Variants in GMEB1 observed in about 807,000 individuals in gnomAD.
GMEB1 encodes glucocorticoid modulatory element binding protein 1.
A neutral mutation model predicts 52.4 loss-of-function variants in GMEB1; 6 were observed. The observed-to-expected ratio is 0.11, with a 90% confidence interval of 0.06 to 0.23. The LOEUF is 0.23. Among genes scored for constraint, GMEB1 ranks in the 10% least tolerant of loss-of-function variants. GMEB1 has a pLI of 1.00. For missense variants in GMEB1, 486 were observed against 685.6 expected (o/e 0.71, Z 3.25); for synonymous variants, 255 against 244.9 (o/e 1.04, Z -0.38).
chr1:28,697,270 G>A (rs184636602), intron 6 of GMEB1, among the ~76,000 whole-genome samples, 186 bp downstream of exon 6: 2,238 of 149,818 alleles, frequency 0.015, 16 homozygotes, highest in Non-Finnish European at 0.018. Context: ...GTGCAGTAGC[G>A]TGATCTCAGC....
chr1:28,671,865 C>T (rs997498179), intron 1 of GMEB1, among the ~76,000 whole-genome samples: 1 of 151,812 alleles, frequency 6.6e-6, no homozygotes, highest in Non-Finnish European at 1.5e-5. Context: ...GCCTGTAATC[C>T]CAGCACTTTG....
At chr1:28,687,515 G>A (rs554863296) in intron 2 of GMEB1, among the ~76,000 whole-genome samples, 1 of 152,174 alleles carries the variant, frequency 6.6e-6, no homozygotes, top group South Asian at 2.1e-4. Context: ...TTAAGGTGAG[G>A]TTTGGGAAGA....
At chr1:28,673,535 G>A (rs774592611) in intron 1 of GMEB1, among the ~76,000 whole-genome samples, 12 of 152,230 alleles carry the variant, frequency 7.9e-5, no homozygotes, top group East Asian at 3.9e-4. Context: ...GATTACAGGC[G>A]TGAGCCACTG....
intron 1 of GMEB1, among the ~76,000 whole-genome samples, chr1:28,681,859 C>T (rs187475470): frequency 3.9e-5 from 6 of 151,986 alleles, no homozygotes; most frequent in Admixed American, 6.6e-5. Flanking sequence ...TGTACCACCG[C>T]GCCAGGCCAA....
Position 28,714,745 on chromosome 1 carries a change from A to C in GMEB1, c.1664A>C (p.Asn555Thr). 1 of 1,613,580 alleles carries C rather than the reference A, an allele frequency of 6.2e-7. No individual in the cohort carries two copies. The highest frequency in any genetic ancestry group is 8.5e-7 in the Non-Finnish European group (1 of 1,179,516). ...GAAGAACACCAGCATCAAGTTCACA[A>C]TGTGGAGATTGTGGTCTTAGAGGAT... ...EMEEHQHQVH[N>T]VEIVVLED The change falls in exon 10 of 10, where the codon AAT becomes ACT. Residue 555 changes from asparagine to threonine, a missense_variant. Physicochemically the swap from Asn to Thr is moderately conservative, Grantham distance 65 (BLOSUM62 0). Coordinates refer to ENST00000373816, the MANE Select transcript of GMEB1 (RefSeq NM_001319674.2).
intron 4 of GMEB1, 59 bp downstream of exon 4, chr1:28,691,768 A>T: frequency 1.3e-6 from 1 of 777,304 alleles, no homozygotes; most frequent in Non-Finnish European, 1.9e-6. Flanking sequence ...AAAGGGTGTG[A>T]GTTCCATGCA....
intron 1 of GMEB1, among the ~76,000 whole-genome samples, chr1:28,682,482 G>T (rs1669434453): frequency 6.6e-6 from 1 of 151,934 alleles, no homozygotes; most frequent in Non-Finnish European, 1.5e-5. Context: ...TAGCTGAGTG[G>T]TAGTGGCGCA....
At chr1:28,689,704 G>T (rs1209575187) in intron 2 of GMEB1, 1 of 156,438 alleles carries the variant, frequency 6.4e-6, no homozygotes, top group Non-Finnish European at 1.4e-5. Context: ...CAAGGTGAAG[G>T]TAACTGTTTG....
chr1:28,712,529 A>G (rs75462232), intron 9 of GMEB1, among the ~76,000 whole-genome samples: 22 of 152,270 alleles, frequency 1.4e-4, no homozygotes, highest in African/African-American at 5.1e-4. Context: ...TTAAGATATA[A>G]AGACATTTAT....
In GMEB1 at chr1:28,712,805, C is replaced by A. The variant is rs190835197; in HGVS notation, c.992-1268C>A. On this transcript the variant is annotated intron_variant, in intron 9 of 9. Transcript: ENST00000373816. ...TGAGCCAAGATCGCGCCATCACACT[C>A]CAGCCTGGCGATAGAGCGAGACTCT... Among the ~76,000 whole-genome samples, 76 of 151,674 alleles carry A rather than the reference C, an allele frequency of 5.0e-4. 2 individuals carry two copies. Among genetic ancestry groups the A allele is most frequent in the African/African-American group, 1.8e-3 (73 of 41,328 alleles).
chr1:28,677,218 C>T (rs530106302), intron 1 of GMEB1, among the ~76,000 whole-genome samples: 2 of 151,580 alleles, frequency 1.3e-5, no homozygotes, highest in East Asian at 1.9e-4. Context: ...CACTTCTGAT[C>T]TCAAGCATTT....
chr1:28,675,184 A>AT (rs1444218968), intron 1 of GMEB1, among the ~76,000 whole-genome samples: 94 of 149,626 alleles, frequency 6.3e-4, no homozygotes, highest in African/African-American at 2.2e-3. Context: ...CGCTGAGCTA[A>AT]TTTTTTGTAT....
chr1:28,674,388 A>C (rs1669042944), intron 1 of GMEB1, among the ~76,000 whole-genome samples: 1 of 152,030 alleles, frequency 6.6e-6, no homozygotes, highest in South Asian at 2.1e-4. Flanking sequence ...CGGAACAGTT[A>C]ATTTTATTTA....
At chr1:28,669,536 A>G (rs1319005121) in intron 1 of GMEB1, among the ~76,000 whole-genome samples, 1 of 152,044 alleles carries the variant, frequency 6.6e-6, no homozygotes, top group African/African-American at 2.4e-5. Flanking sequence ...AAGGGAAAAA[A>G]GGGCAGGTTT....
In GMEB1 at chr1:28,681,089, G is replaced by T. The variant is rs12133906; in HGVS notation, c.-30-2494G>T. On this transcript the variant is annotated intron_variant, in intron 1 of 9. Transcript: ENST00000373816. ...AACACAATCCTTGCTTTTCCAGGAC[G>T]TACAGACTGAGGAGGAAAAGCCAAC... 4.2e-3 allele frequency among the ~76,000 whole-genome samples: 645 copies of T among 152,158 alleles called. 2 individuals carry two copies. The highest frequency in any genetic ancestry group is 0.014 in the Middle Eastern group (4 of 294).
At chr1:28,695,114 G>A (rs1222543946) in intron 5 of GMEB1, among the ~76,000 whole-genome samples, 12 of 150,894 alleles carry the variant, frequency 8.0e-5, no homozygotes, top group South Asian at 2.1e-4. Context: ...ACAGGTGCGC[G>A]CCACCACACC....
intron 1 of GMEB1, among the ~76,000 whole-genome samples, chr1:28,679,680 TG>T (rs1669308606): frequency 6.6e-6 from 1 of 152,110 alleles, no homozygotes; most frequent in Admixed American, 6.6e-5. Flanking sequence ...TAATATTTGT[TG>T]AACTGGCCAT....
chr1:28,696,292 C>T (rs767686113), intron 5 of GMEB1, among the ~76,000 whole-genome samples: 1 of 151,976 alleles, frequency 6.6e-6, no homozygotes, highest in African/African-American at 2.4e-5. Context: ...GTCTCAAACT[C>T]CTGAGTTCAA....
intron 2 of GMEB1, among the ~76,000 whole-genome samples, chr1:28,687,674 G>A (rs1315899059): frequency 1.3e-5 from 2 of 152,102 alleles, no homozygotes; most frequent in Non-Finnish European, 2.9e-5. Flanking sequence ...AGATTAGTTA[G>A]ATGCAAGGAT....
Sources: gnomAD v4.1 joint callset for allele counts (sites outside exome capture counted in the v4.1 genomes callset) on GRCh38, gnomAD v4.1.1 for gene constraint, MANE v1.5 for transcripts, NCBI Gene and HGNC (gene_info 2026-07-23, HGNC 2026-07-21) for gene names.